AGO3: variants seen among roughly 807,000 people sequenced by gnomAD.
AGO3 encodes the protein protein argonaute-3.
In AGO3, 16 loss-of-function variants were observed where a neutral mutation model predicts 105.5. That is an observed-to-expected ratio of 0.15 (90% CI 0.10 to 0.23). AGO3 has a LOEUF of 0.23. Ranked by LOEUF, AGO3 falls within the 10% of genes least tolerant of loss-of-function variation. The probability of loss-of-function intolerance (pLI) is 1.00; values close to 1 mark genes in which losing one functional copy is unlikely to be tolerated. For missense variants in AGO3, 534 were observed against 1,088.0 expected (o/e 0.49, Z 7.16); for synonymous variants, 340 against 367.3 (o/e 0.93, Z 0.85).
rs1641584081 is a variant in AGO3, at chr1:36,027,952, G to T, written c.1591+654G>T. Among the ~76,000 whole-genome samples the T allele has an allele frequency of 6.6e-6, 1 of 152,142 alleles. No homozygotes were observed. Among genetic ancestry groups the T allele is most frequent in the South Asian group, 2.1e-4 (1 of 4,832 alleles). ...GTTGCTCAATATTCAGGTACTGCCG[G>T]TTCTACTACCTGTGTGATTTGGCTG... On this transcript the variant is annotated intron_variant, in intron 12 of 18. Coordinates refer to ENST00000373191, the MANE Select transcript of AGO3 (RefSeq NM_024852.4). This position sits in a 1 kb window ranked among gnomAD's most constrained non-coding sequence, Gnocchi z 4.0.
intron 1 of AGO3, among the ~76,000 whole-genome samples, chr1:35,932,885 A>C (rs1338709874): frequency 6.6e-6 from 1 of 152,174 alleles, no homozygotes; most frequent in African/African-American, 2.4e-5. Context: ...AATCATCCCA[A>C]AACTTTTAAA....
chr1:35,979,962 A>G lies in AGO3; in HGVS notation c.658+6451A>G, dbSNP rs143575792. Among the ~76,000 whole-genome samples, 372 of 152,244 alleles carry G rather than the reference A, an allele frequency of 2.4e-3. 3 individuals are homozygous for G. Among genetic ancestry groups the G allele is most frequent in the African/African-American group, 8.7e-3 (360 of 41,550 alleles). ...TTCTGTCAAGTCACAACCATTGGTC[A>G]TGGTTTTGTAAAATTATTTTATGCC... On this transcript the variant is annotated intron_variant, in intron 5 of 18. Transcript: ENST00000373191.
At chr1:35,955,327 G>A (rs1646544428) in intron 2 of AGO3, among the ~76,000 whole-genome samples, 1 of 152,110 alleles carries the variant, frequency 6.6e-6, no homozygotes, top group African/African-American at 2.4e-5. Flanking sequence ...ATTAAAATTT[G>A]TTTGACCAAA....
intron 3 of AGO3, among the ~76,000 whole-genome samples, chr1:35,967,413 A>T (rs61681704): frequency 6.7e-6 from 1 of 149,782 alleles, no homozygotes; most frequent in African/African-American, 2.5e-5. Flanking sequence ...ATTTTATTTT[A>T]TTTTATTTTA....
intron 2 of AGO3, among the ~76,000 whole-genome samples, chr1:35,961,699 A>T (rs1029169489): frequency 6.6e-6 from 1 of 152,166 alleles, no homozygotes; most frequent in Non-Finnish European, 1.5e-5. Flanking sequence ...TAAATTTTTC[A>T]CAAATTGAAC....
chr1:36,036,120 A>G (rs1443788128), intron 13 of AGO3, 57 bp from the exon 14 acceptor site: 1 of 1,528,204 alleles, frequency 6.5e-7, no homozygotes, highest in East Asian at 2.3e-5. Context: ...TGTGTGAAAC[A>G]GATAAATGGA....
At chr1:36,018,208 G>A (rs997907355) in intron 11 of AGO3, among the ~76,000 whole-genome samples, 3 of 151,992 alleles carry the variant, frequency 2.0e-5, no homozygotes, top group Middle Eastern at 6.8e-3. Flanking sequence ...TCTTGACCTC[G>A]TGATCTGCCC....
chr1:35,945,564 A>G (rs371887788), intron 1 of AGO3, 128 bp from the exon 2 acceptor site: 403 of 869,740 alleles, frequency 4.6e-4, no homozygotes, highest in Non-Finnish European at 6.6e-4. Context: ...GTTAGAAATG[A>G]TGTCATCTTG....
intron 3 of AGO3, among the ~76,000 whole-genome samples, chr1:35,968,918 C>A (rs1180993250): frequency 6.8e-6 from 1 of 146,692 alleles, no homozygotes; most frequent in Non-Finnish European, 1.5e-5. Context: ...TTTTTTTGTT[C>A]GTTTTCTAAT....
At chr1:36,053,745 A>ATTTTTTTT (rs71034711) in intron 17 of AGO3, among the ~76,000 whole-genome samples, 2 of 81,284 alleles carry the variant, frequency 2.5e-5, no homozygotes, top group African/African-American at 4.8e-5. Flanking sequence ...CACCTGGCTA[A>ATTTTTTTT]TTTTTTTTTT....
At chr1:36,001,622 C>A (rs1640090689) in intron 5 of AGO3, among the ~76,000 whole-genome samples, 1 of 152,142 alleles carries the variant, frequency 6.6e-6, no homozygotes, top group Admixed American at 6.6e-5. Context: ...ATGAAAAGAT[C>A]TCTAAGATGT....
At chr1:36,044,734 A>C (rs1469671086) in intron 17 of AGO3, among the ~76,000 whole-genome samples, 1 of 152,144 alleles carries the variant, frequency 6.6e-6, no homozygotes, top group African/African-American at 2.4e-5. Flanking sequence ...GAGCCACTGC[A>C]CCTGGCCTTA....
chr1:35,994,640 A>G (rs1335169226), intron 5 of AGO3, among the ~76,000 whole-genome samples: 2 of 152,322 alleles, frequency 1.3e-5, no homozygotes, highest in African/African-American at 2.4e-5. Context: ...ACCAAAACAA[A>G]CCCCATTAAA....
At chr1:36,042,710 G>A (rs1256909809) in intron 16 of AGO3, among the ~76,000 whole-genome samples, 1 of 152,124 alleles carries the variant, frequency 6.6e-6, no homozygotes, top group Admixed American at 6.6e-5. Flanking sequence ...GTTTTATAAG[G>A]AGCTTGTATC....
intron 8 of AGO3, chr1:36,009,264 ACTT>A: frequency 1.2e-6 from 1 of 808,534 alleles, no homozygotes; most frequent in Non-Finnish European, 1.8e-6. Context: ...GGTATACTAT[ACTT>A]CTTTCAGTCT....
rs189373351 is a variant in AGO3 at position 36,041,328 on chromosome 1, G to A, written c.2172+887G>A. On this transcript the variant is annotated intron_variant, in intron 16 of 18. Transcript: ENST00000373191. ...GCGATCTCAGCTCGCTGCAAGCTCC[G>A]CCTCCCAGGTTCACGCCATTCTTCT... Among the ~76,000 whole-genome samples, 1,237 of 134,242 alleles carry A rather than the reference G, an allele frequency of 9.2e-3. 17 individuals carry two copies. Among genetic ancestry groups the A allele is most frequent in the African/African-American group, 0.032 (1,157 of 35,722 alleles). 88.1% of individuals were successfully genotyped at this position (134,242 alleles called of 152,430 possible).
At chr1:36,010,926 A>C in intron 9 of AGO3, among the ~76,000 whole-genome samples, 1 of 139,358 alleles carries the variant, frequency 7.2e-6, no homozygotes, top group African/African-American at 2.6e-5. Flanking sequence ...AAAGAGAGAG[A>C]GAGAGGGAGG....
intron 11 of AGO3, among the ~76,000 whole-genome samples, chr1:36,025,528 C>T (rs1641464225): frequency 6.6e-6 from 1 of 151,732 alleles, no homozygotes; most frequent in South Asian, 2.1e-4. Flanking sequence ...GCTTGTGGCT[C>T]TTGTTAGGCT....
chr1:36,025,219 G>T (rs1641446673), intron 11 of AGO3, among the ~76,000 whole-genome samples: 1 of 152,108 alleles, frequency 6.6e-6, no homozygotes, highest in East Asian at 1.9e-4. Context: ...TAGAATATGA[G>T]AAATAAAATT....
Sources: allele counts gnomAD v4.1 joint callset (sites outside exome capture counted in the v4.1 genomes callset), GRCh38; gene constraint gnomAD v4.1.1; non-coding constraint Gnocchi (gnomAD v3.1); transcripts MANE v1.5; gene names NCBI Gene and HGNC (gene_info 2026-07-23, HGNC 2026-07-21).